Variants in ZWILCH observed in about 807,000 individuals in gnomAD.
ZWILCH encodes zwilch kinetochore protein.
ZWILCH carries 74 observed loss-of-function variants against 79.9 expected under a neutral mutation model. The ratio of observed to expected loss-of-function variants is 0.93; its 90% CI spans 0.77 to 1.12. The LOEUF (loss-of-function observed/expected upper bound fraction) is 1.12, where lower values mean the gene tolerates loss of function less well. Ranked by LOEUF, ZWILCH falls within the 50% of genes most tolerant of loss-of-function variation. The pLI is 0.00. For missense variants in ZWILCH, 694 were observed against 687.5 expected, an observed-to-expected ratio of 1.01 and a Z score of -0.11; for synonymous variants, 241 against 228.2, an observed-to-expected ratio of 1.06 and a Z score of -0.51.
At chr15:66,512,334 C>T (rs567234821) in intron 2 of ZWILCH, among the ~76,000 whole-genome samples, 1 of 151,906 alleles carries the variant, frequency 6.6e-6, no homozygotes. Context: ...TCAAAGTTCA[C>T]TGCGGCCTCA....
At chr15:66,522,478 C>T (rs1305278399) in intron 7 of ZWILCH, among the ~76,000 whole-genome samples, 1 of 151,800 alleles carries the variant, frequency 6.6e-6, no homozygotes, top group Non-Finnish European at 1.5e-5. Context: ...GCTGGGACTA[C>T]AGGTGCATGC....
chr15:66,535,357 T>G (rs1214306819), intron 14 of ZWILCH, among the ~76,000 whole-genome samples: 1 of 152,096 alleles, frequency 6.6e-6, no homozygotes, highest in Non-Finnish European at 1.5e-5. Flanking sequence ...GCGAGAGGGA[T>G]TTTTCAGTTC....
chr15:66,527,444 C>T (rs1894710765), intron 9 of ZWILCH, 61 bp downstream of exon 9: 2 of 1,337,058 alleles, frequency 1.5e-6, no homozygotes, highest in South Asian at 1.2e-5. Context: ...ATAAGTTTCT[C>T]TTTAAGCTTG....
intron 4 of ZWILCH, among the ~76,000 whole-genome samples, chr15:66,517,629 A>G (rs960307925): frequency 2.0e-5 from 3 of 148,890 alleles, no homozygotes; most frequent in Admixed American, 6.7e-5. Context: ...TTACAATACC[A>G]TTACCTAATC....
intron 2 of ZWILCH, among the ~76,000 whole-genome samples, chr15:66,509,832 T>TAC (rs199919899): frequency 0.042 from 1,198 of 28,404 alleles, 67 homozygotes; most frequent in African/African-American, 0.11. Context: ...CATATATATA[T>TAC]ATATATATAT....
chr15:66,507,347 A>G (rs556014312), intron 1 of ZWILCH, among the ~76,000 whole-genome samples: 48 of 152,150 alleles, frequency 3.2e-4, no homozygotes, highest in African/African-American at 1.1e-3. Flanking sequence ...CCCCTGCCTT[A>G]TCTAGTCGAT....
chr15:66,535,881 A>C, intron 14 of ZWILCH, 52 bp from the exon 15 acceptor site: 3 of 1,517,320 alleles, frequency 2.0e-6, no homozygotes, highest in Non-Finnish European at 1.8e-6. Flanking sequence ...TTCTTTACAA[A>C]GGTTACACAG....
chr15:66,536,442 A>G (rs529412590), intron 15 of ZWILCH, among the ~76,000 whole-genome samples: 4 of 152,394 alleles, frequency 2.6e-5, no homozygotes, highest in African/African-American at 9.6e-5. Context: ...CAATGGAATC[A>G]AATAGTACTA....
At chr15:66,517,455 T>TAGAGAGAG (rs1555424270) in intron 4 of ZWILCH, among the ~76,000 whole-genome samples, 23 of 115,136 alleles carry the variant, frequency 2.0e-4, no homozygotes, top group Non-Finnish European at 3.0e-4. Flanking sequence ...TATATATATA[T>TAGAGAGAG]AGTAATGTAC....
intron 18 of ZWILCH, chr15:66,548,092 G>T: frequency 6.5e-6 from 1 of 153,490 alleles, no homozygotes. Flanking sequence ...CAGCCAGATT[G>T]ATTTTATCTA....
chr15:66,520,302 A>G (rs1255112664), intron 5 of ZWILCH, among the ~76,000 whole-genome samples: 4 of 146,320 alleles, frequency 2.7e-5, no homozygotes, highest in Admixed American at 2.0e-4. Flanking sequence ...TTAATTTTCT[A>G]TAGAGACAGG....
chr15:66,522,881 G>A (rs1595911744), intron 7 of ZWILCH, among the ~76,000 whole-genome samples: 1 of 152,090 alleles, frequency 6.6e-6, no homozygotes, highest in East Asian at 1.9e-4. Context: ...GGAGTGCAGT[G>A]GCATAATCTC....
At chr15:66,544,722 TTTTGTG>T (rs1438588842) in intron 17 of ZWILCH, among the ~76,000 whole-genome samples, 2 of 29,766 alleles carry the variant, frequency 6.7e-5, no homozygotes, top group African/African-American at 2.5e-4. Context: ...TTTTTTTGGT[TTTTGTG>T]TGTGTGTGTG....
chr15:66,530,452 A>G (rs563227159), intron 12 of ZWILCH, among the ~76,000 whole-genome samples: 1 of 152,236 alleles, frequency 6.6e-6, no homozygotes, highest in Middle Eastern at 3.4e-3. Context: ...CCTGGCCAAT[A>G]TGGTAAAACC....
chr15:66,509,652 G>A (rs1893956864), intron 2 of ZWILCH, among the ~76,000 whole-genome samples: 2 of 151,566 alleles, frequency 1.3e-5, no homozygotes, highest in African/African-American at 4.9e-5. Flanking sequence ...TGTCTAATAT[G>A]TGCTGACTTG....
At chr15:66,525,253 G>A (rs571572638) in intron 8 of ZWILCH, among the ~76,000 whole-genome samples, 1 of 152,142 alleles carries the variant, frequency 6.6e-6, no homozygotes, top group Non-Finnish European at 1.5e-5. Context: ...GCCACCCATG[G>A]TGCTGGCTGG....
chr15:66,510,063 A>G (rs991669303), intron 2 of ZWILCH, among the ~76,000 whole-genome samples: 12 of 150,390 alleles, frequency 8.0e-5, no homozygotes, highest in African/African-American at 2.9e-4. Context: ...CTGTAGTCCC[A>G]GCTACTCAGG....
intron 16 of ZWILCH, among the ~76,000 whole-genome samples, chr15:66,539,401 CAA>C (rs536047404): frequency 2.1e-4 from 12 of 58,050 alleles, no homozygotes; most frequent in Non-Finnish European, 1.1e-4. Context: ...AAGACCCTGT[CAA>C]AAAAAAAAAA....
At chr15:66,540,634 CT>C (rs763324094) in intron 17 of ZWILCH, among the ~76,000 whole-genome samples, 2,811 of 140,782 alleles carry the variant, frequency 0.02, 65 homozygotes, top group African/African-American at 0.057. Flanking sequence ...TATTTTCTTT[CT>C]TTTTTTTTTT....
Sources: allele counts gnomAD v4.1 joint callset (sites outside exome capture counted in the v4.1 genomes callset), GRCh38; gene constraint gnomAD v4.1.1; transcripts MANE v1.5; gene names NCBI Gene and HGNC (gene_info 2026-07-23, HGNC 2026-07-21).